Variants in SEC24C observed in about 807,000 individuals in gnomAD.
The protein encoded by SEC24C is SEC24 homolog C, COPII component.
SEC24C carries 22 observed loss-of-function variants against 117.0 expected under a neutral mutation model. The observed-to-expected ratio is 0.19, with a 90% CI of 0.13 to 0.27. The LOEUF (loss-of-function observed/expected upper bound fraction) is 0.27, where lower values mean the gene tolerates loss of function less well. SEC24C is among the 10% of genes least tolerant of loss of function. SEC24C has a pLI of 1.00. For missense variants in SEC24C, 1,155 were observed against 1,375.1 expected (o/e 0.84, Z 2.53); for synonymous variants, 506 against 529.4 (o/e 0.96, Z 0.61).
chr10:73,755,961 C>T (rs2082704337), intron 3 of SEC24C, among the ~76,000 whole-genome samples: 1 of 151,942 alleles, frequency 6.6e-6, no homozygotes, highest in South Asian at 2.1e-4. Flanking sequence ...AAGCGATTCC[C>T]CTGCCTCAGC....
At chr10:73,767,749 G>T in intron 14 of SEC24C, 88 bp from the exon 15 acceptor site, 2 of 1,014,562 alleles carry the variant, frequency 2.0e-6, no homozygotes, top group Non-Finnish European at 1.4e-6. Flanking sequence ...CCATGAATTT[G>T]AATATCCCAT....
Position 73,769,326 on chromosome 10 carries a change from C to A in SEC24C, c.2425-21C>A. 1 of 1,612,642 alleles carries A rather than the reference C, an allele frequency of 6.2e-7. No individual in the cohort carries two copies. Among genetic ancestry groups the A allele is most frequent in the Non-Finnish European group, 8.5e-7 (1 of 1,179,324 alleles). ...CTTTGTGAGGGAGGGGTGTGAGTTC[C>A]CCCTTTCTCCTTTCCCCTAGTGTGC... On this transcript the variant is annotated intron_variant, in intron 17 of 22. Coordinates refer to ENST00000345254, the MANE Select transcript of SEC24C (RefSeq NM_198597.3). This position sits in a 1 kb window ranked among gnomAD's most constrained non-coding sequence, Gnocchi z 4.5.
chr10:73,759,785 C>A lies in SEC24C; in HGVS notation c.472C>A (p.Leu158Met). 1 of 1,584,574 alleles carries A rather than the reference C, an allele frequency of 6.3e-7. No individual in the cohort carries two copies. Among genetic ancestry groups the A allele is most frequent in the South Asian group, 1.2e-5 (1 of 86,490 alleles). Reference sequence around the variant, plus strand: ...GGCCCCAGCCCCTCCTTCTTCAGGGCTGGGCTTTGGTGAGTGGCTGTGAAC... The same window carrying A: ...GGCCCCAGCCCCTCCTTCTTCAGGGATGGGCTTTGGTGAGTGGCTGTGAAC... ...AVAPAPPSSG[L>M]GFGPPTSLAS... The change falls in exon 4 of 23, where the codon CTG becomes ATG. Residue 158 changes from leucine to methionine, a missense_variant. This residue lies in a region of SEC24C where 396 missense variants were observed against 382.8 expected (regional missense o/e 1.03). Coordinates refer to ENST00000345254, the MANE Select transcript of SEC24C (RefSeq NM_198597.3).
intron 3 of SEC24C, among the ~76,000 whole-genome samples, chr10:73,756,369 GAA>G (rs1364953896): frequency 4.6e-5 from 7 of 152,064 alleles, no homozygotes; most frequent in Admixed American, 3.9e-4. Context: ...CTGACTAGGG[GAA>G]AAAAGTCTGC....
At chr10:73,770,844 A>T in intron 22 of SEC24C, 46 bp downstream of exon 22, 1 of 1,612,240 alleles carries the variant, frequency 6.2e-7, no homozygotes, top group Non-Finnish European at 8.5e-7. Context: ...TCAAGTCCTC[A>T]CCTAGAAGTG....
In SEC24C at chr10:73,767,856, C is replaced by T. The variant is rs564682376; in HGVS notation, c.2030C>T (p.Thr677Ile). Residue 677 changes from threonine to isoleucine, a missense_variant, in exon 15 of 23, where the codon ACA becomes ATA. By Grantham distance (89) the Thr-to-Ile change is moderately conservative. This residue lies in a region of SEC24C where 759 missense variants were observed against 992.3 expected (regional missense o/e 0.76). Transcript: ENST00000345254. ...DKEKTLFQPQ[T>I]GAYQTLAKEC... ...CCCTAGACTCTGTTCCAGCCTCAGA[C>T]AGGTGCCTATCAGACCCTGGCCAAA... is the stretch of plus-strand genomic sequence containing the variant. 1.1e-5 allele frequency: 17 copies of T among 1,611,964 alleles called. No homozygotes were observed. In the South Asian group the frequency reaches 1.8e-4, roughly 17 times the overall value.
In SEC24C at chr10:73,769,544, G is replaced by C; in HGVS notation, c.2563+59G>C. 1 of 1,613,274 alleles carries C rather than the reference G, an allele frequency of 6.2e-7. No homozygotes were observed. Among genetic ancestry groups the C allele is most frequent in the Non-Finnish European group, 8.5e-7 (1 of 1,179,386 alleles). On this transcript the variant is annotated intron_variant, in intron 18 of 22. Coordinates refer to ENST00000345254, the MANE Select transcript of SEC24C (RefSeq NM_198597.3). The surrounding 1 kb of genome is among the most constrained non-coding windows in gnomAD (Gnocchi z 4.5). ...GCTGAGAGGTCCAGGATGGTGAGTGGGTAGTTGTGATGGTGGGAATGCACA... is the reference window on the plus strand; with the variant it reads ...GCTGAGAGGTCCAGGATGGTGAGTGCGTAGTTGTGATGGTGGGAATGCACA...
intron 1 of SEC24C, 70 bp from the exon 2 acceptor site, chr10:73,746,735 C>A: frequency 1.9e-6 from 2 of 1,044,670 alleles, no homozygotes; most frequent in Non-Finnish European, 2.7e-6. Flanking sequence ...CTTTTTATCT[C>A]TACTTCCTGC....
At chr10:73,768,675 C>T (rs2082922396) in intron 15 of SEC24C, 135 bp from the exon 16 acceptor site, 2 of 776,626 alleles carry the variant, frequency 2.6e-6, no homozygotes, top group South Asian at 3.1e-5. Context: ...CTATTATTGT[C>T]ATCATCATTA....
At chr10:73,765,315 C>G (rs2082865255) in intron 8 of SEC24C, 136 bp from the exon 9 acceptor site, 1 of 878,366 alleles carries the variant, frequency 1.1e-6, no homozygotes, top group Non-Finnish European at 1.8e-6. Flanking sequence ...TCCCTTTCAT[C>G]ATTGTGCTCC....
rs750190474 is a variant in SEC24C, at chr10:73,760,229, G to T, written c.693G>T (p.Leu231=). ...PRLPSMTGPL[L]PGQSFGGPSV... ...TGCCTTCGATGACTGGTCCACTCCTGCCTGGACAGAGTTTTGGAGGGCCCT... is the reference window on the plus strand; with the variant it reads ...TGCCTTCGATGACTGGTCCACTCCTTCCTGGACAGAGTTTTGGAGGGCCCT... The change falls in exon 5 of 23, where the codon CTG becomes CTT. Residue 231 remains leucine (L), a synonymous_variant. Coordinates refer to ENST00000345254, the MANE Select transcript of SEC24C (RefSeq NM_198597.3). 3.1e-6 allele frequency: 5 copies of T among 1,614,096 alleles called. No homozygotes were observed. Among genetic ancestry groups the T allele is most frequent in the Non-Finnish European group, 4.2e-6 (5 of 1,180,024 alleles).
Position 73,765,524 on chromosome 10 carries a change from C to T in SEC24C, c.1301C>T (p.Pro434Leu), listed in dbSNP as rs760303970. 7.4e-6 allele frequency: 12 copies of T among 1,614,010 alleles called. No homozygotes were observed. The highest frequency in any genetic ancestry group is 1.0e-5 in the Non-Finnish European group (12 of 1,179,970). ...RCNRCKAYMC[P>L]FMQFIEGGRR... ...AACCGCTGCAAAGCATACATGTGTC[C>T]CTTCATGCAGTTCATTGAAGGAGGG... The change falls in exon 9 of 23, where the codon CCC becomes CTC. Residue 434 changes from proline (P) to leucine (L), a missense_variant. Pro to Leu is a moderately conservative substitution (Grantham distance 98). Transcript: ENST00000345254.
chr10:73,764,125 T>A (rs892918969), intron 8 of SEC24C, 142 bp downstream of exon 8: 33 of 1,144,906 alleles, frequency 2.9e-5, no homozygotes, highest in Non-Finnish European at 4.0e-5. Context: ...AGTGGCTTTC[T>A]ATCCCAGGGC....
intron 22 of SEC24C, 33 bp downstream of exon 22, chr10:73,770,831 T>G (rs1346537369): frequency 1.2e-6 from 2 of 1,613,014 alleles, no homozygotes; most frequent in East Asian, 2.2e-5. Flanking sequence ...ATTTCTTACC[T>G]TGTCAAGTCC....
At chr10:73,768,112 G>C in intron 15 of SEC24C, 105 bp downstream of exon 15, 2 of 1,080,498 alleles carry the variant, frequency 1.9e-6, no homozygotes, top group Non-Finnish European at 1.3e-6. Context: ...GGCCAGGCAC[G>C]GTGCCTCACA....
At position 73,759,787 on chromosome 10, in the gene SEC24C, G is replaced by C; in HGVS notation, c.474G>C (p.Leu158=). The part of the protein sequence containing the change: ...AVAPAPPSSG[L]GFGPPTSLAS... ...CCCCAGCCCCTCCTTCTTCAGGGCT[G>C]GGCTTTGGTGAGTGGCTGTGAACAC... Residue 158 remains leucine (L), a synonymous_variant, in exon 4 of 23, where the codon CTG becomes CTC. Transcript: ENST00000345254. The C allele has an allele frequency of 6.3e-7, 1 of 1,579,670 alleles. No individual in the cohort carries two copies. The highest frequency in any genetic ancestry group is 8.6e-7 in the Non-Finnish European group (1 of 1,167,036).
At chr10:73,756,415 T>G (rs1030316889) in intron 3 of SEC24C, among the ~76,000 whole-genome samples, 1 of 152,230 alleles carries the variant, frequency 6.6e-6, no homozygotes. Context: ...GTGCTGTTTC[T>G]CTCAGGCTGG....
intron 7 of SEC24C, 66 bp downstream of exon 7, chr10:73,763,667 CTTTTTTTTT>C (rs71021569): frequency 5.3e-4 from 32 of 60,486 alleles, no homozygotes; most frequent in African/African-American, 2.1e-3. Context: ...ATGGTTGGGG[CTTTTTTTTT>C]TTTTTTTTTT....
intron 7 of SEC24C, 65 bp from the exon 8 acceptor site, chr10:73,763,791 C>T (rs1246776976): frequency 6.5e-7 from 1 of 1,529,262 alleles, no homozygotes; most frequent in Non-Finnish European, 8.9e-7. Context: ...TGTGGATCAC[C>T]AATGGAGAGC....
Sources: allele counts gnomAD v4.1 joint callset (sites outside exome capture counted in the v4.1 genomes callset), GRCh38; gene constraint gnomAD v4.1.1; regional missense constraint gnomAD v4.1.1; non-coding constraint Gnocchi (gnomAD v3.1); transcripts MANE v1.5; gene names NCBI Gene and HGNC (gene_info 2026-07-23, HGNC 2026-07-21).